GOLGA5: variants seen among roughly 807,000 people sequenced by gnomAD.
GOLGA5 encodes the protein golgin A5.
GOLGA5 carries 50 observed loss-of-function variants against 93.5 expected under a neutral mutation model. The ratio of observed to expected loss-of-function variants is 0.53; its 90% CI spans 0.43 to 0.68. The LOEUF (loss-of-function observed/expected upper bound fraction) is 0.68, where lower values mean the gene tolerates loss of function less well. Ranked by LOEUF, GOLGA5 falls within the 30% of genes least tolerant of loss-of-function variation. GOLGA5 has a pLI of 0.00. For missense variants in GOLGA5, 760 were observed against 856.4 expected (o/e 0.89, Z 1.40); for synonymous variants, 312 against 304.5 (o/e 1.02, Z -0.26).
intron 8 of GOLGA5, 32 bp from the exon 9 acceptor site, chr14:92,824,514 C>T (rs2273645): frequency 0.71 from 787,404 of 1,115,916 alleles, 280,855 homozygotes; most frequent in Admixed American, 0.83. Flanking sequence ...ACACTTATTT[C>T]GCTTCTGTTT....
Position 92,811,658 on chromosome 14 carries a change from T to C in GOLGA5, c.1224T>C (p.Asp408=). Residue 408 remains aspartate, a synonymous_variant, in exon 6 of 13, where the codon GAT becomes GAC. Transcript: ENST00000163416. The part of the protein sequence containing the change: ...RKYSDEKKRV[D]ELQQQVKLYK... ...ACTCAGATGAGAAGAAGAGGGTTGATGAACTGCAGCAGCAAGTCAAGCTGT... is the reference window on the plus strand; with the variant it reads ...ACTCAGATGAGAAGAAGAGGGTTGACGAACTGCAGCAGCAAGTCAAGCTGT... 6.2e-7 allele frequency: 1 copy of C among 1,612,660 alleles called. No individual in the cohort carries two copies. Among genetic ancestry groups the C allele is most frequent in the Non-Finnish European group, 8.5e-7 (1 of 1,179,066 alleles).
At chr14:92,822,353 T>G (rs1383041183) in intron 8 of GOLGA5, among the ~76,000 whole-genome samples, 1 of 152,232 alleles carries the variant, frequency 6.6e-6, no homozygotes, top group African/African-American at 2.4e-5. Context: ...CTGTCTTCAC[T>G]GTTAAGTGAA....
rs1287796568 is a variant in GOLGA5 at position 92,804,019 on chromosome 14, CTT to C, written c.545-2714_545-2713del. On this transcript the variant is annotated intron_variant, in intron 2 of 12. Transcript: ENST00000163416. Reference sequence around the variant, plus strand: ...ATCCTCTCTAGTATGTTTATTTCCTCTTTTGTTAATTTTTGCTTTCTTTGGGT... The same window carrying C: ...ATCCTCTCTAGTATGTTTATTTCCTCTTGTTAATTTTTGCTTTCTTTGGGT... Among the ~76,000 whole-genome samples the C allele has an allele frequency of 3.9e-5, 6 of 152,148 alleles. No individual in the cohort carries two copies. In the East Asian group the frequency reaches 7.7e-4, roughly 20 times the overall value.
chr14:92,806,249 T>A (rs918930422), intron 2 of GOLGA5, among the ~76,000 whole-genome samples: 3 of 152,190 alleles, frequency 2.0e-5, no homozygotes, highest in Non-Finnish European at 2.9e-5. Flanking sequence ...TCCTTAGAGG[T>A]CCATATGCCC....
intron 10 of GOLGA5, among the ~76,000 whole-genome samples, chr14:92,834,633 G>A (rs753870791): frequency 2.0e-5 from 3 of 152,338 alleles, no homozygotes; most frequent in Middle Eastern, 3.4e-3. Flanking sequence ...ACTGAGTGAA[G>A]AAGACACTTG....
chr14:92,806,647 A>G, intron 2 of GOLGA5, 89 bp from the exon 3 acceptor site: 1 of 831,654 alleles, frequency 1.2e-6, no homozygotes, highest in South Asian at 1.5e-5. Context: ...TAGCTGTAGC[A>G]GTCAACTTGA....
intron 8 of GOLGA5, among the ~76,000 whole-genome samples, chr14:92,823,546 C>T (rs1470082398): frequency 2.6e-5 from 4 of 151,456 alleles, no homozygotes; most frequent in African/African-American, 9.7e-5. Context: ...TCCTGAGTAG[C>T]TGGGATTACA....
intron 12 of GOLGA5, 36 bp downstream of exon 12, chr14:92,837,485 T>G (rs1885668307): frequency 3.4e-6 from 3 of 873,534 alleles, no homozygotes; most frequent in Non-Finnish European, 3.7e-6. Context: ...ATGATGCACT[T>G]GATTTTTAAC....
rs780288579 is a variant in GOLGA5, at chr14:92,794,382, C to G, written c.-105C>G. The G allele has an allele frequency of 6.6e-6, 1 of 152,340 alleles. No individual in the cohort carries two copies. Among genetic ancestry groups the G allele is most frequent in the African/African-American group, 2.4e-5 (1 of 41,470 alleles). 9.4% of individuals were successfully genotyped at this position (152,340 alleles called of 1,614,324 possible). A position where few individuals can be genotyped will look rare whatever the true frequency, so the allele number is the denominator to read the frequency against. ...AGGAGGTTTACTCAGCTTGGGCCCC[C>G]TCCGGGCCAGCCGCCGAGGGGGCGC... On this transcript the variant is annotated 5_prime_UTR_variant, in exon 1 of 13. Transcript: ENST00000163416.
At chr14:92,825,489 T>C (rs998247444) in intron 9 of GOLGA5, among the ~76,000 whole-genome samples, 1 of 152,214 alleles carries the variant, frequency 6.6e-6, no homozygotes, top group Non-Finnish European at 1.5e-5. Context: ...AAACCACCAA[T>C]TGGTTTAATC....
At chr14:92,816,537 G>GCTTCGCTTCT (rs1885211736) in intron 7 of GOLGA5, 116 bp downstream of exon 7, 3 of 726,490 alleles carry the variant, frequency 4.1e-6, no homozygotes, top group Non-Finnish European at 2.3e-6. Flanking sequence ...TCTTCGCTTC[G>GCTTCGCTTCT]CTTCGCTTCT....
chr14:92,797,056 A>G (rs1001372625), intron 1 of GOLGA5, among the ~76,000 whole-genome samples: 2 of 151,036 alleles, frequency 1.3e-5, no homozygotes, highest in African/African-American at 4.8e-5. Context: ...TTACTTTGAA[A>G]TAGTAATAAT....
rs774177457 is a variant in GOLGA5, at chr14:92,806,967, G to A, written c.772+4G>A. On this transcript the variant is annotated splice_donor_region_variant and intron_variant, in intron 3 of 12. Transcript: ENST00000163416. ...AGATCCAAAGAGACTCAAGAAGGTA[G>A]AGGCTTAAATTGTTCAGGATTAGGA... 1 of 1,541,888 alleles carries A rather than the reference G, an allele frequency of 6.5e-7. No homozygotes were observed. The highest frequency in any genetic ancestry group is 1.1e-5 in the South Asian group (1 of 89,674).
chr14:92,824,515 G>A (rs374636701), intron 8 of GOLGA5, 31 bp from the exon 9 acceptor site: 26 of 1,154,714 alleles, frequency 2.3e-5, no homozygotes, highest in Non-Finnish European at 3.1e-5. Flanking sequence ...CACTTATTTC[G>A]CTTCTGTTTT....
chr14:92,826,571 A>G (rs948443825), intron 9 of GOLGA5, among the ~76,000 whole-genome samples: 47 of 151,998 alleles, frequency 3.1e-4, no homozygotes, highest in African/African-American at 1.1e-3. Context: ...GGTGGTGCAG[A>G]CCTGTAATAC....
At chr14:92,795,751 A>C (rs746540602) in intron 1 of GOLGA5, among the ~76,000 whole-genome samples, 7 of 152,222 alleles carry the variant, frequency 4.6e-5, no homozygotes, top group Non-Finnish European at 5.9e-5. Context: ...GTAATTATAA[A>C]ACATGAAGGA....
intron 9 of GOLGA5, among the ~76,000 whole-genome samples, chr14:92,826,068 T>A (rs965888272): frequency 6.6e-6 from 1 of 151,990 alleles, no homozygotes; most frequent in African/African-American, 2.4e-5. Context: ...GACATAAGGA[T>A]CACATGAGCC....
intron 8 of GOLGA5, among the ~76,000 whole-genome samples, chr14:92,824,201 T>G (rs1182843004): frequency 6.6e-6 from 1 of 152,118 alleles, no homozygotes; most frequent in African/African-American, 2.4e-5. Flanking sequence ...TTTCCAGTTG[T>G]CATATTAATG....
Position 92,799,272 on chromosome 14 carries a change from A to ATTT in GOLGA5, c.544+1304_544+1306dup, listed in dbSNP as rs1191305000. Among the ~76,000 whole-genome samples the ATTT allele has an allele frequency of 9.2e-3, 1,145 of 124,146 alleles. 156 individuals are homozygous for ATTT. The highest frequency in any genetic ancestry group is 0.036 in the African/African-American group (1,062 of 29,312). 81.4% of individuals were successfully genotyped at this position (124,146 alleles called of 152,430 possible). On this transcript the variant is annotated intron_variant, in intron 2 of 12. Transcript: ENST00000163416. ...GATCTACCGTGGCCTGGCCATAGGGATTTTTTTTTTTTTTTCTTTTTTGAG... is the reference window on the plus strand; with the variant it reads ...GATCTACCGTGGCCTGGCCATAGGGATTTTTTTTTTTTTTTTTTCTTTTTTGAG...
Sources: gnomAD v4.1 joint callset for allele counts (sites outside exome capture counted in the v4.1 genomes callset) on GRCh38, gnomAD v4.1.1 for gene constraint, MANE v1.5 for transcripts, NCBI Gene and HGNC (gene_info 2026-07-23, HGNC 2026-07-21) for gene names.